The following USP24 variants were observed in gnomAD, a reference collection of about 807,000 sequenced individuals.
The protein encoded by USP24 is ubiquitin carboxyl-terminal hydrolase 24.
A neutral mutation model predicts 361.6 loss-of-function variants in USP24; 97 were observed. That is an observed-to-expected ratio of 0.27 (90% CI 0.23 to 0.32). The LOEUF (loss-of-function observed/expected upper bound fraction) is 0.32, where lower values mean the gene tolerates loss of function less well. Among genes scored for constraint, USP24 ranks in the 10% least tolerant of loss-of-function variants. The pLI is 1.00. For synonymous variants in USP24, 1,098 were observed against 1,124.6 expected (o/e 0.98, Z 0.47); for missense variants, 2,353 against 3,165.6 (o/e 0.74, Z 6.16).
chr1:55,073,927 A>T, intron 63 of USP24, 21 bp from the exon 64 acceptor site: 1 of 1,551,276 alleles, frequency 6.4e-7, no homozygotes, highest in Non-Finnish European at 8.7e-7. Context: ...AGAAAAGGAC[A>T]TTTTAACAAT....
chr1:55,144,428 T>C (rs564803230), intron 20 of USP24, among the ~76,000 whole-genome samples: 2 of 152,236 alleles, frequency 1.3e-5, no homozygotes, highest in African/African-American at 4.8e-5. Flanking sequence ...ACAACTCACA[T>C]AATGGAAGAA....
chr1:55,121,281 T>C (rs1205972444), intron 37 of USP24, among the ~76,000 whole-genome samples, 155 bp downstream of exon 37: 1 of 152,192 alleles, frequency 6.6e-6, no homozygotes, highest in East Asian at 1.9e-4. Context: ...AGAGTCCAAA[T>C]GGTTACTTTT....
At chr1:55,104,196 G>T (rs1557563720) in intron 41 of USP24, among the ~76,000 whole-genome samples, 176 bp from the exon 42 acceptor site, 1 of 152,200 alleles carries the variant, frequency 6.6e-6, no homozygotes, top group Non-Finnish European at 1.5e-5. Flanking sequence ...GGAGGAATTA[G>T]TAACTATCTT....
In USP24 at chr1:55,095,373, G is replaced by A. The variant is rs1284313924; in HGVS notation, c.6085C>T (p.Arg2029Ter). 1.2e-6 allele frequency: 2 copies of A among 1,612,558 alleles called. No individual in the cohort carries two copies. The highest frequency in any genetic ancestry group is 1.7e-6 in the Non-Finnish European group (2 of 1,179,324). ...AGCATATAGGCATTCCAGTATCTTC[G>A]GCGCACATCAGTGTATGGGTTTGCT... ...DQTNPYTDVR[R>*]RYWNAYMLFY... The change falls in exon 51 of 68, where the codon CGA (arginine) becomes TGA (stop). Residue 2029 changes from arginine (R) to a stop codon, truncating the protein, a stop_gained. Transcript: ENST00000294383. LOFTEE classifies it high-confidence loss of function.
At chr1:55,079,042 A>C (rs1645088108) in intron 60 of USP24, among the ~76,000 whole-genome samples, 1 of 152,028 alleles carries the variant, frequency 6.6e-6, no homozygotes, top group Non-Finnish European at 1.5e-5. Context: ...ACATATCTGT[A>C]AATCAGGTAG....
chr1:55,081,522 T>A, intron 58 of USP24, 98 bp from the exon 59 acceptor site: 2 of 1,174,210 alleles, frequency 1.7e-6, no homozygotes, highest in Non-Finnish European at 2.5e-6. Context: ...TTCTGGGCTT[T>A]AATTATTTCT....
At chr1:55,141,293 C>T (rs1467693440) in intron 24 of USP24, among the ~76,000 whole-genome samples, 1 of 151,960 alleles carries the variant, frequency 6.6e-6, no homozygotes, top group Non-Finnish European at 1.5e-5. Flanking sequence ...GCATTCTAAA[C>T]AGTAAGTTAT....
rs115348117 is a variant in USP24 at position 55,209,687 on chromosome 1, G to C, written c.324+5103C>G. Among the ~76,000 whole-genome samples, 1,460 of 152,214 alleles carry C rather than the reference G, an allele frequency of 9.6e-3. 21 individuals are homozygous for C. Among genetic ancestry groups the C allele is most frequent in the African/African-American group, 0.034 (1,398 of 41,542 alleles). On this transcript the variant is annotated intron_variant, in intron 1 of 67. Transcript: ENST00000294383. ...GCATGAGCTTTAGTGCACTTAGAGC[G>C]CTTAGTGAGTGGAGTGCATGAGCTT...
chr1:55,104,015 C>T lies in USP24; in HGVS notation c.4886G>A (p.Ser1629Asn). 1 of 1,604,372 alleles carries T rather than the reference C, an allele frequency of 6.2e-7. No individual in the cohort carries two copies. Among genetic ancestry groups the T allele is most frequent in the Non-Finnish European group, 8.5e-7 (1 of 1,175,626 alleles). Residue 1629 changes from serine to asparagine, a missense_variant, in exon 42 of 68, where the codon AGT (serine) becomes AAT (asparagine). By Grantham distance (46) the Ser-to-Asn change is conservative. Transcript: ENST00000294383. ...ISQQDFHPKC[S>N]TANSRLAAYE... ...GGCTGCCAATCGGCTATTCGCTGTACTACACCTAGAAACAAAAGACACAAG... is the reference window on the plus strand; with the variant it reads ...GGCTGCCAATCGGCTATTCGCTGTATTACACCTAGAAACAAAAGACACAAG...
chr1:55,187,426 C>T lies in USP24; in HGVS notation c.325-9294G>A, dbSNP rs1644164303. 2.0e-5 allele frequency among the ~76,000 whole-genome samples: 3 copies of T among 152,132 alleles called. No individual in the cohort carries two copies. In the South Asian group the frequency reaches 6.2e-4, roughly 31 times the overall value. ...CTCTCACAGCTTCCATTCAACACTG[C>T]ACTGGAGTGTCTAGTCAAGGCAATT... On this transcript the variant is annotated intron_variant, in intron 1 of 67. Transcript: ENST00000294383.
At chr1:55,129,985 G>A (rs537940367) in intron 31 of USP24, among the ~76,000 whole-genome samples, 2 of 152,278 alleles carry the variant, frequency 1.3e-5, no homozygotes, top group South Asian at 2.1e-4. Flanking sequence ...CCTATTTATT[G>A]AACATCTACA....
chr1:55,141,581 T>C (rs775497458), intron 24 of USP24, 35 bp downstream of exon 24: 1 of 1,531,404 alleles, frequency 6.5e-7, no homozygotes, highest in Non-Finnish European at 9.0e-7. Flanking sequence ...AACTGACATA[T>C]GTGTGTTGTG....
intron 38 of USP24, among the ~76,000 whole-genome samples, chr1:55,117,591 G>T (rs530673692): frequency 8.6e-5 from 13 of 151,648 alleles, no homozygotes; most frequent in African/African-American, 1.2e-4. Context: ...AGCCGGGCGC[G>T]GTGGCGGGCG....
chr1:55,139,162 G>A (rs1325274567), intron 24 of USP24, among the ~76,000 whole-genome samples, 152 bp from the exon 25 acceptor site: 1 of 152,202 alleles, frequency 6.6e-6, no homozygotes, highest in Non-Finnish European at 1.5e-5. Context: ...TTTACCCAAT[G>A]GGGAGGTGGT....
intron 49 of USP24, 66 bp from the exon 50 acceptor site, chr1:55,096,688 G>A: frequency 1.3e-6 from 2 of 1,546,064 alleles, no homozygotes; most frequent in South Asian, 2.5e-5. Flanking sequence ...CCTTAGCATT[G>A]ATCTCAATGT....
chr1:55,137,298 C>G (rs1428168339), intron 28 of USP24, among the ~76,000 whole-genome samples: 2 of 152,170 alleles, frequency 1.3e-5, no homozygotes, highest in Non-Finnish European at 2.9e-5. Flanking sequence ...CGAGTTCAGA[C>G]AACTGTTTCA....
intron 39 of USP24, among the ~76,000 whole-genome samples, chr1:55,107,752 G>C (rs1413957237): frequency 7.4e-6 from 1 of 134,954 alleles, no homozygotes; most frequent in South Asian, 2.6e-4. Flanking sequence ...TGAGGCAGGA[G>C]AATTGCTTGA....
chr1:55,167,369 G>A (rs188925790), intron 5 of USP24, among the ~76,000 whole-genome samples: 2 of 152,232 alleles, frequency 1.3e-5, no homozygotes, highest in East Asian at 3.9e-4. Flanking sequence ...GATGGGGGAT[G>A]GCAGAAAAGA....
intron 38 of USP24, among the ~76,000 whole-genome samples, chr1:55,117,742 CAAAAAAAAAA>C (rs58149121): frequency 4.5e-5 from 3 of 66,846 alleles, no homozygotes; most frequent in South Asian, 7.5e-4. Flanking sequence ...GACTCCGTCT[CAAAAAAAAAA>C]AAAAAAAAAA....
Sources: allele counts gnomAD v4.1 joint callset (sites outside exome capture counted in the v4.1 genomes callset), GRCh38; gene constraint gnomAD v4.1.1; transcripts MANE v1.5; gene names NCBI Gene and HGNC (gene_info 2026-07-23, HGNC 2026-07-21).